The following PKIB variants were observed in gnomAD, a reference collection of about 807,000 sequenced individuals.
The protein encoded by PKIB is cAMP-dependent protein kinase inhibitor beta, also known as PKI-beta.
A neutral mutation model predicts 4.5 loss-of-function variants in PKIB; 2 were observed. That is an observed-to-expected ratio of 0.44 (90% confidence interval 0.18 to 1.39). PKIB has a LOEUF of 1.39. PKIB is among the 40% of genes most tolerant of loss of function. The probability of loss-of-function intolerance (pLI) is 0.27; values close to 1 mark genes in which losing one functional copy is unlikely to be tolerated. For synonymous variants in PKIB, 38 were observed against 36.0 expected (o/e 1.06, Z -0.20); for missense variants, 94 against 92.6 (o/e 1.02, Z -0.06).
chr6:122,622,941 T>C (rs1161089856), intron 1 of PKIB, among the ~76,000 whole-genome samples: 2 of 152,224 alleles, frequency 1.3e-5, no homozygotes, highest in Non-Finnish European at 2.9e-5. Context: ...TTGATTTCAG[T>C]TTCTTTCTTC....
intron 2 of PKIB, among the ~76,000 whole-genome samples, chr6:122,557,820 C>T (rs185951927): frequency 5.1e-4 from 78 of 152,280 alleles, no homozygotes; most frequent in African/African-American, 1.9e-3. Flanking sequence ...GGATCCTACT[C>T]CTTATTTGAT....
Sources: allele counts gnomAD v4.1 joint callset (sites outside exome capture counted in the v4.1 genomes callset), GRCh38; gene constraint gnomAD v4.1.1; transcripts MANE v1.5; gene names NCBI Gene and HGNC (gene_info 2026-07-23, HGNC 2026-07-21).